The following SHISA8 variants were observed in gnomAD, a reference collection of about 807,000 sequenced individuals.
The protein encoded by SHISA8 is protein shisa-8.
SHISA8 carries 21 observed loss-of-function variants against 21.1 expected under a neutral mutation model. The observed-to-expected ratio is 0.99, with a 90% CI of 0.71 to 1.43. The LOEUF is 1.43. SHISA8 is among the 40% of genes most tolerant of loss of function. The probability of loss-of-function intolerance (pLI) is 0.00; values close to 1 mark genes in which losing one functional copy is unlikely to be tolerated. For missense variants in SHISA8, 535 were observed against 599.1 expected, an observed-to-expected ratio of 0.89 and a Z score of 1.12; for synonymous variants, 300 against 291.4, an observed-to-expected ratio of 1.03 and a Z score of -0.30.
At position 41,909,908 on chromosome 22, in the gene SHISA8, G is replaced by C. The variant is rs746879370; in HGVS notation, c.1051C>G (p.Arg351Gly). The change falls in exon 4 of 4, where the codon CGG (arginine) becomes GGG (glycine). Residue 351 changes from arginine to glycine, a missense_variant. Coordinates refer to ENST00000621082, the MANE Select transcript of SHISA8 (RefSeq NM_001207020.3). ...HPTARAFQVPRRPGHAARRQF... is the reference protein window; with the variant it reads ...HPTARAFQVPGRPGHAARRQF... ...CGCCGGGCCGCGTGCCCGGGTCGCC[G>C]GGGTACCTGGAAGGCCCGAGCCGTC... 182 of 1,527,672 alleles carry C rather than the reference G, an allele frequency of 1.2e-4. No homozygotes were observed. The highest frequency in any genetic ancestry group is 1.5e-4 in the Non-Finnish European group (168 of 1,143,474). 94.6% of individuals were successfully genotyped at this position (1,527,672 alleles called of 1,614,324 possible). A position where few individuals can be genotyped will look rare whatever the true frequency, so the allele number is the denominator to read the frequency against.
rs555699663 is a variant in SHISA8, at chr22:41,911,357, G to T, written c.531-8C>A. On this transcript the variant is annotated splice_region_variant and splice_polypyrimidine_tract_variant and intron_variant, in intron 1 of 3. Coordinates refer to ENST00000621082, the MANE Select transcript of SHISA8 (RefSeq NM_001207020.3). ...AGAAGCTCTGTCAGCGCCCTGCGGGGACAGCAGTCAGGGGTGGCCCTCTGT... is the reference window on the plus strand; with the variant it reads ...AGAAGCTCTGTCAGCGCCCTGCGGGTACAGCAGTCAGGGGTGGCCCTCTGT... 2,077 of 1,238,706 alleles carry T rather than the reference G, an allele frequency of 1.7e-3. 3 individuals are homozygous for T. The highest frequency in any genetic ancestry group is 2.0e-3 in the Non-Finnish European group (1,993 of 990,602). The allele number at this position is 1,238,706 out of a possible 1,614,324, so 76.7% of individuals were successfully genotyped here. A position where few individuals can be genotyped will look rare whatever the true frequency, so the allele number is the denominator to read the frequency against.
Position 41,909,838 on chromosome 22 carries a change from G to T in SHISA8, c.1121C>A (p.Pro374His). ...GCGGCCCGCGCTGCCGTAAAGGCCGGGGAGCTGCGGGTTGAAGGTCTCAGG... is the reference window on the plus strand; with the variant it reads ...GCGGCCCGCGCTGCCGTAAAGGCCGTGGAGCTGCGGGTTGAAGGTCTCAGG... ...KMPETFNPQL[P>H]GLYGSAGRGS... is the part of the protein sequence containing the mutation. The change falls in exon 4 of 4, where the codon CCC (proline) becomes CAC (histidine). Residue 374 changes from proline to histidine, a missense_variant. Coordinates refer to ENST00000621082, the MANE Select transcript of SHISA8 (RefSeq NM_001207020.3). The T allele has an allele frequency of 1.3e-6, 2 of 1,528,374 alleles. No individual in the cohort carries two copies. The highest frequency in any genetic ancestry group is 1.2e-5 in the South Asian group (1 of 82,748). 94.7% of individuals were successfully genotyped at this position (1,528,374 alleles called of 1,614,324 possible). A position where few individuals can be genotyped will look rare whatever the true frequency, so the allele number is the denominator to read the frequency against.
At chr22:41,911,969 A>G (rs558276098) in intron 1 of SHISA8, among the ~76,000 whole-genome samples, 1 of 151,884 alleles carries the variant, frequency 6.6e-6, no homozygotes, top group South Asian at 2.1e-4. Context: ...CTGGTCTCCA[A>G]CTCCGCCGGT....
intron 1 of SHISA8, among the ~76,000 whole-genome samples, chr22:41,913,755 G>T (rs2077566066): frequency 1.3e-5 from 2 of 152,068 alleles, no homozygotes; most frequent in African/African-American, 4.8e-5. Flanking sequence ...AGAACCAAGC[G>T]CCCCTTCCTT....
chr22:41,915,027 C>T lies in SHISA8; in HGVS notation c.-360G>A, dbSNP rs2077579237. Among the ~76,000 whole-genome samples the T allele has an allele frequency of 6.6e-6, 1 of 151,908 alleles. No individual in the cohort carries two copies. The highest frequency in any genetic ancestry group is 1.9e-4 in the East Asian group (1 of 5,174). On this transcript the variant is annotated 5_prime_UTR_variant, in exon 1 of 4. Transcript: ENST00000621082. The surrounding 1 kb of genome is among the most constrained non-coding windows in gnomAD (Gnocchi z 5.0). Reference sequence around the variant, plus strand: ...GAGGCCGCGCCGGGGCCGCGGGCCGCCCGACTGCGCTACCTTCCCGCCGCG... The same window carrying T: ...GAGGCCGCGCCGGGGCCGCGGGCCGTCCGACTGCGCTACCTTCCCGCCGCG...
At position 41,910,211 on chromosome 22, in the gene SHISA8, G is replaced by T; in HGVS notation, c.812-64C>A. 3 of 1,228,354 alleles carry T rather than the reference G, an allele frequency of 2.4e-6. No individual in the cohort carries two copies. The highest frequency in any genetic ancestry group is 3.0e-6 in the Non-Finnish European group (3 of 985,860). The allele number at this position is 1,228,354 out of a possible 1,614,324, so 76.1% of individuals were successfully genotyped here. A position where few individuals can be genotyped will look rare whatever the true frequency, so the allele number is the denominator to read the frequency against. ...GCACCCAAGCTCAGGACTGGACAAG[G>T]GGTCCCGGCCGGGGACTGGGACGGG... is the stretch of plus-strand genomic sequence containing the variant. On this transcript the variant is annotated intron_variant, in intron 3 of 3. Coordinates refer to ENST00000621082, the MANE Select transcript of SHISA8 (RefSeq NM_001207020.3). The surrounding 1 kb of genome is among the most constrained non-coding windows in gnomAD (Gnocchi z 6.8).
chr22:41,910,274 G>A lies in SHISA8; in HGVS notation c.812-127C>T, dbSNP rs1020070784. The A allele has an allele frequency of 1.1e-5, 13 of 1,228,436 alleles. No individual in the cohort carries two copies. Among genetic ancestry groups the A allele is most frequent in the Non-Finnish European group, 1.2e-5 (12 of 984,360 alleles). 76.1% of individuals were successfully genotyped at this position (1,228,436 alleles called of 1,614,324 possible). On this transcript the variant is annotated intron_variant, in intron 3 of 3. Coordinates refer to ENST00000621082, the MANE Select transcript of SHISA8 (RefSeq NM_001207020.3). The surrounding 1 kb of genome is among the most constrained non-coding windows in gnomAD (Gnocchi z 6.8). ...GCGGGCCGGGGGCGGGGCCCGCTGG[G>A]GCGAGGGAGCCGATTGGCCGAGCGG...
At position 41,910,384 on chromosome 22, in the gene SHISA8, A is replaced by T; in HGVS notation, c.811+24T>A. 1 of 1,288,890 alleles carries T rather than the reference A, an allele frequency of 7.8e-7. No homozygotes were observed. Among genetic ancestry groups the T allele is most frequent in the South Asian group, 2.3e-5 (1 of 42,698 alleles). 79.8% of individuals were successfully genotyped at this position (1,288,890 alleles called of 1,614,324 possible). On this transcript the variant is annotated intron_variant, in intron 3 of 3. Coordinates refer to ENST00000621082, the MANE Select transcript of SHISA8 (RefSeq NM_001207020.3). The surrounding 1 kb of genome is among the most constrained non-coding windows in gnomAD (Gnocchi z 6.8). ...GGAGCTCGTGCGCCCAGGTGCCCTG[A>T]CGCTGCCCGCACCCGCCACTCACCT...
intron 1 of SHISA8, among the ~76,000 whole-genome samples, chr22:41,912,164 T>C (rs563405147): frequency 1.6e-3 from 242 of 152,268 alleles, no homozygotes; most frequent in African/African-American, 5.5e-3. Context: ...GACCCCCTGG[T>C]GGCAGCCCAG....
Position 41,914,920 on chromosome 22 carries a change from C to T in SHISA8, c.-253G>A, listed in dbSNP as rs2077578059. 1.3e-5 allele frequency among the ~76,000 whole-genome samples: 2 copies of T among 151,362 alleles called. No individual in the cohort carries two copies. Among genetic ancestry groups the T allele is most frequent in the Admixed American group, 6.6e-5 (1 of 15,212 alleles). On this transcript the variant is annotated 5_prime_UTR_variant, in exon 1 of 4. Coordinates refer to ENST00000621082, the MANE Select transcript of SHISA8 (RefSeq NM_001207020.3). This position sits in a 1 kb window ranked among gnomAD's most constrained non-coding sequence, Gnocchi z 6.8. ...CCGGTCCGCGTCCTGAGATCTTCCC[C>T]GGGCCGGGCGGCGGGTCCTCGCCTG...
chr22:41,910,238 A>ACCGGGCCGGGGC lies in SHISA8; in HGVS notation c.812-103_812-92dup, dbSNP rs1379136743. 1.7e-6 allele frequency: 2 copies of ACCGGGCCGGGGC among 1,211,774 alleles called. No homozygotes were observed. Among genetic ancestry groups the ACCGGGCCGGGGC allele is most frequent in the East Asian group, 3.3e-5 (1 of 30,292 alleles). 75.1% of individuals were successfully genotyped at this position (1,211,774 alleles called of 1,614,324 possible). A position where few individuals can be genotyped will look rare whatever the true frequency, so the allele number is the denominator to read the frequency against. The stretch of plus-strand genomic sequence containing the variant: ...GTCCCGGCCGGGGACTGGGACGGGG[A>ACCGGGCCGGGGC]CCGGGCCGGGGCGGGCCGGGGGCGG... On this transcript the variant is annotated intron_variant, in intron 3 of 3. Coordinates refer to ENST00000621082, the MANE Select transcript of SHISA8 (RefSeq NM_001207020.3). This position sits in a 1 kb window ranked among gnomAD's most constrained non-coding sequence, Gnocchi z 6.8.
Position 41,909,965 on chromosome 22 carries a change from G to T in SHISA8, c.994C>A (p.Arg332Ser), listed in dbSNP as rs974327960. ...PGPYAAWTSS[R>S]PARPAPLSHP... ...CTGAGCGGGGCGGGCCGGGCCGGGC[G>T]ACTGGAGGTCCAGGCGGCATAGGGG... Residue 332 changes from arginine (R) to serine (S), a missense_variant, in exon 4 of 4, where the codon CGC (arginine) becomes AGC (serine). By Grantham distance (110) the Arg-to-Ser change is moderately radical (BLOSUM62 -1). Coordinates refer to ENST00000621082, the MANE Select transcript of SHISA8 (RefSeq NM_001207020.3). The T allele has an allele frequency of 6.9e-7, 1 of 1,457,580 alleles. No individual in the cohort carries two copies. 90.3% of individuals were successfully genotyped at this position (1,457,580 alleles called of 1,614,324 possible).
rs1405927335 is a variant in SHISA8, at chr22:41,914,163, G to A, written c.505C>T (p.Pro169Ser). The A allele has an allele frequency of 1.9e-5, 27 of 1,451,798 alleles. No homozygotes were observed. Among genetic ancestry groups the A allele is most frequent in the Non-Finnish European group, 2.4e-5 (27 of 1,112,778 alleles). 89.9% of individuals were successfully genotyped at this position (1,451,798 alleles called of 1,614,324 possible). Residue 169 changes from proline to serine, a missense_variant, in exon 1 of 4, where the codon CCG becomes TCG. Transcript: ENST00000621082. The surrounding 1 kb of genome is among the most constrained non-coding windows in gnomAD (Gnocchi z 6.8). ...CTGGTCACTGTGCGCCGCGCGCGCG[G>A]GCTGTGCGCCCTCTCCAGTCCCAGG... is the stretch of plus-strand genomic sequence containing the variant. ...ARLGLERAHS[P>S]RARRTVTRAL...
At chr22:41,911,123 A>C (rs1416664438) in intron 2 of SHISA8, 93 bp downstream of exon 2, 5 of 1,227,562 alleles carry the variant, frequency 4.1e-6, no homozygotes, top group Non-Finnish European at 5.1e-6. Flanking sequence ...CCACCGGGGA[A>C]GCCTCTATGC....
chr22:41,910,069 C>T lies in SHISA8; in HGVS notation c.890G>A (p.Arg297Gln), dbSNP rs1344912932. 4.0e-6 allele frequency: 5 copies of T among 1,240,142 alleles called. No homozygotes were observed. The highest frequency in any genetic ancestry group is 5.0e-6 in the Non-Finnish European group (5 of 995,312). The allele number at this position is 1,240,142 out of a possible 1,614,324, so 76.8% of individuals were successfully genotyped here. ...CGGCGCAGGCAAGTCCGGGGATGGT[C>T]GCGGAGCCCGCGCCGGGGGTTGCCG... is the stretch of plus-strand genomic sequence containing the variant. The part of the protein sequence containing the change: ...SPRQPPARAP[R>Q]PSPDLPAPLD... The change falls in exon 4 of 4, where the codon CGA (arginine) becomes CAA (glutamine). Residue 297 changes from arginine (R) to glutamine (Q), a missense_variant. Transcript: ENST00000621082. The surrounding 1 kb of genome is among the most constrained non-coding windows in gnomAD (Gnocchi z 6.8).
chr22:41,911,159 C>A, intron 2 of SHISA8, 57 bp downstream of exon 2: 1 of 1,252,716 alleles, frequency 8.0e-7, no homozygotes, highest in Non-Finnish European at 1.0e-6. Context: ...GCCTCTCGGC[C>A]TCTCACGCCC....
intron 1 of SHISA8, among the ~76,000 whole-genome samples, chr22:41,912,115 C>A (rs896289904): frequency 5.3e-5 from 8 of 152,192 alleles, no homozygotes; most frequent in African/African-American, 1.7e-4. Flanking sequence ...CCATCACGGG[C>A]ATGAAGGACA....
chr22:41,913,528 T>G (rs145126149), intron 1 of SHISA8, among the ~76,000 whole-genome samples: 28 of 152,340 alleles, frequency 1.8e-4, no homozygotes, highest in Non-Finnish European at 2.6e-4. Flanking sequence ...GCACCTGTCC[T>G]GGCCTCAGCA....
Position 41,910,363 on chromosome 22 carries a change from C to T in SHISA8, c.811+45G>A. On this transcript the variant is annotated intron_variant, in intron 3 of 3. Transcript: ENST00000621082. The surrounding 1 kb of genome is among the most constrained non-coding windows in gnomAD (Gnocchi z 6.8). The stretch of plus-strand genomic sequence containing the variant: ...GGCCCCGCGCTTCGCAGTCCGGGAG[C>T]TCGTGCGCCCAGGTGCCCTGACGCT... 7.9e-7 allele frequency: 1 copy of T among 1,266,518 alleles called. No individual in the cohort carries two copies. The allele number at this position is 1,266,518 out of a possible 1,614,324, so 78.5% of individuals were successfully genotyped here.
Sources: gnomAD v4.1 joint callset for allele counts (sites outside exome capture counted in the v4.1 genomes callset) on GRCh38, gnomAD v4.1.1 for gene constraint, Gnocchi (gnomAD v3.1) non-coding constraint, MANE v1.5 for transcripts, NCBI Gene and HGNC (gene_info 2026-07-23, HGNC 2026-07-21) for gene names.